Variants in SLC39A11 observed in about 807,000 individuals in gnomAD.
The protein encoded by SLC39A11 is zinc transporter ZIP11.
Under a neutral mutation model 36.1 loss-of-function variants are expected in SLC39A11, and 33 were observed. The observed-to-expected ratio is 0.91, with a 90% CI of 0.69 to 1.22. The LOEUF (loss-of-function observed/expected upper bound fraction) is 1.22, where lower values mean the gene tolerates loss of function less well. Ranked by LOEUF, SLC39A11 falls within the 50% of genes most tolerant of loss-of-function variation. SLC39A11 has a pLI of 0.00. For missense variants in SLC39A11, 432 were observed against 430.3 expected (o/e 1.00, Z -0.03); for synonymous variants, 166 against 170.3 (o/e 0.97, Z 0.20).
intron 7 of SLC39A11, among the ~76,000 whole-genome samples, chr17:72,652,131 C>G (rs903371114): frequency 2.0e-5 from 3 of 152,188 alleles, no homozygotes; most frequent in Non-Finnish European, 4.4e-5. Flanking sequence ...GTACATAAAC[C>G]ATTGAGTGTG....
chr17:72,856,579 T>C (rs1021263083), intron 5 of SLC39A11, among the ~76,000 whole-genome samples: 3 of 152,152 alleles, frequency 2.0e-5, no homozygotes, highest in African/African-American at 4.8e-5. Context: ...CAAGACATTA[T>C]AGGGCTTTAA....
At chr17:72,881,914 A>T (rs561998701) in intron 5 of SLC39A11, among the ~76,000 whole-genome samples, 10 of 152,332 alleles carry the variant, frequency 6.6e-5, no homozygotes, top group African/African-American at 2.4e-4. Flanking sequence ...ACTAAATATG[A>T]AGGTGTTGGC....
intron 3 of SLC39A11, among the ~76,000 whole-genome samples, chr17:73,035,360 C>T (rs922911533): frequency 2.0e-5 from 3 of 152,070 alleles, no homozygotes; most frequent in Admixed American, 6.5e-5. Context: ...AGGCTGGCCT[C>T]GAACTCCTGG....
chr17:73,049,363 G>A (rs2059420829), intron 3 of SLC39A11, among the ~76,000 whole-genome samples: 1 of 150,828 alleles, frequency 6.6e-6, no homozygotes, highest in Admixed American at 6.6e-5. Context: ...GGAGCAGCTG[G>A]GCGGATGCGC....
chr17:72,888,227 C>G (rs1269427331), intron 5 of SLC39A11, among the ~76,000 whole-genome samples: 1 of 152,188 alleles, frequency 6.6e-6, no homozygotes, highest in Non-Finnish European at 1.5e-5. Flanking sequence ...TTTTGTTCCA[C>G]ATTTTAAGCT....
At chr17:73,017,801 G>GATC (rs1357355983) in intron 4 of SLC39A11, among the ~76,000 whole-genome samples, 8 of 152,160 alleles carry the variant, frequency 5.3e-5, no homozygotes, top group African/African-American at 1.9e-4. Context: ...CACAGAGGAG[G>GATC]ATCATCACAC....
intron 5 of SLC39A11, among the ~76,000 whole-genome samples, chr17:72,914,270 C>A (rs1234195542): frequency 6.7e-6 from 1 of 149,852 alleles, no homozygotes; most frequent in South Asian, 2.1e-4. Flanking sequence ...GAGACGAGAT[C>A]GTGCCACTAT....
Position 72,647,611 on chromosome 17 carries a change from C to G in SLC39A11, c.981G>C (p.Met327Ile), listed in dbSNP as rs1356149254. 1.2e-6 allele frequency: 2 copies of G among 1,613,974 alleles called. No homozygotes were observed. Among genetic ancestry groups the G allele is most frequent in the Non-Finnish European group, 1.7e-6 (2 of 1,179,936 alleles). Reference protein sequence around the residue: ...SWASILGFVVMMSLDVGLG With the variant: ...SWASILGFVVIMSLDVGLG ...AGCCCAGGCCAACGTCCAGTGACAT[C>G]ATCACTACAAATCCCAGGATGGAGG... The change falls in exon 10 of 10, where the codon ATG (methionine) becomes ATC (isoleucine). Residue 327 changes from methionine (M) to isoleucine (I), a missense_variant. Met to Ile is a conservative substitution (Grantham distance 10). Transcript: ENST00000255559.
chr17:72,948,764 T>C (rs1252328608), intron 4 of SLC39A11, among the ~76,000 whole-genome samples: 1 of 152,230 alleles, frequency 6.6e-6, no homozygotes, highest in African/African-American at 2.4e-5. Context: ...TCACATTTAT[T>C]TGACAAATAT....
chr17:72,969,829 C>A (rs1401642406), intron 4 of SLC39A11, among the ~76,000 whole-genome samples: 2 of 152,202 alleles, frequency 1.3e-5, no homozygotes, highest in South Asian at 4.1e-4. Context: ...AATTATGACA[C>A]AGGCCACAGT....
chr17:72,959,325 G>GTATATATATATA (rs1186282631), intron 4 of SLC39A11, among the ~76,000 whole-genome samples: 51 of 65,532 alleles, frequency 7.8e-4, no homozygotes, highest in South Asian at 1.2e-3. Flanking sequence ...GTGTGTGTGT[G>GTATATATATATA]TATATATATA....
chr17:73,039,042 G>A (rs959531399), intron 3 of SLC39A11, among the ~76,000 whole-genome samples: 6 of 152,124 alleles, frequency 3.9e-5, no homozygotes, highest in Non-Finnish European at 5.9e-5. Context: ...AATCAAGTCC[G>A]AGTTTGAATC....
At position 72,732,554 on chromosome 17, in the gene SLC39A11, G is replaced by T. The variant is rs187211714; in HGVS notation, c.671+4096C>A. On this transcript the variant is annotated intron_variant, in intron 7 of 9. Coordinates refer to ENST00000255559, the MANE Select transcript of SLC39A11 (RefSeq NM_139177.4). ...GGTCAGGTATTTTGTCCCTCGGTTCGGGTCTGTCTGATGCATTTCTCCTGC... is the reference window on the plus strand; with the variant it reads ...GGTCAGGTATTTTGTCCCTCGGTTCTGGTCTGTCTGATGCATTTCTCCTGC... Among the ~76,000 whole-genome samples the T allele has an allele frequency of 4.6e-5, 7 of 152,262 alleles. No homozygotes were observed. In the East Asian group the frequency reaches 1.4e-3, roughly 29 times the overall value.
chr17:72,672,147 C>T (rs2071050056), intron 7 of SLC39A11, among the ~76,000 whole-genome samples: 1 of 152,140 alleles, frequency 6.6e-6, no homozygotes, highest in Admixed American at 6.5e-5. Flanking sequence ...AAACTCAAAA[C>T]AAAACAAAAT....
intron 4 of SLC39A11, among the ~76,000 whole-genome samples, chr17:73,004,165 AAG>A (rs1454237708): frequency 6.7e-5 from 3 of 44,986 alleles, no homozygotes; most frequent in Non-Finnish European, 1.3e-4. Context: ...GAAGGAAAAA[AAG>A]AAAGAAAGAA....
At chr17:72,832,312 C>T (rs761166921) in intron 6 of SLC39A11, among the ~76,000 whole-genome samples, 2 of 152,186 alleles carry the variant, frequency 1.3e-5, no homozygotes, top group African/African-American at 2.4e-5. Flanking sequence ...GGATTCGTCA[C>T]GAGCCCCCTA....
intron 7 of SLC39A11, among the ~76,000 whole-genome samples, chr17:72,680,708 C>T (rs1332324195): frequency 6.6e-6 from 1 of 152,228 alleles, no homozygotes; most frequent in African/African-American, 2.4e-5. Context: ...AAACTACACG[C>T]ATGTGGCCTT....
intron 4 of SLC39A11, among the ~76,000 whole-genome samples, chr17:73,014,105 G>A (rs915251953): frequency 1.3e-5 from 2 of 152,102 alleles, no homozygotes; most frequent in African/African-American, 4.8e-5. Context: ...ATCCTCTGCA[G>A]AGCCCACTCC....
At chr17:72,714,976 G>A (rs766322820) in intron 7 of SLC39A11, among the ~76,000 whole-genome samples, 11 of 152,182 alleles carry the variant, frequency 7.2e-5, no homozygotes, top group South Asian at 2.1e-4. Flanking sequence ...ACTTCACCTC[G>A]CATCTTGCAT....
Sources: gnomAD v4.1 joint callset for allele counts (sites outside exome capture counted in the v4.1 genomes callset) on GRCh38, gnomAD v4.1.1 for gene constraint, MANE v1.5 for transcripts, NCBI Gene and HGNC (gene_info 2026-07-23, HGNC 2026-07-21) for gene names.